KCNT2: variants seen among roughly 807,000 people sequenced by gnomAD.
KCNT2 encodes the protein potassium channel subfamily T member 2.
A neutral mutation model predicts 153.8 loss-of-function variants in KCNT2; 67 were observed. The ratio of observed to expected loss-of-function variants is 0.44; its 90% CI spans 0.36 to 0.53. The LOEUF is 0.53. Ranked by LOEUF, KCNT2 falls within the 20% of genes least tolerant of loss-of-function variation. The probability of loss-of-function intolerance (pLI) is 0.00; values close to 1 mark genes in which losing one functional copy is unlikely to be tolerated. For missense variants in KCNT2, 975 were observed against 1,354.8 expected, an observed-to-expected ratio of 0.72 and a Z score of 4.40; for synonymous variants, 500 against 458.8, an observed-to-expected ratio of 1.09 and a Z score of -1.15.
chr1:196,227,080 A>C lies in KCNT2; in HGVS notation c.*1144T>G, dbSNP rs188547057. On this transcript the variant is annotated 3_prime_UTR_variant, in exon 28 of 28. Transcript: ENST00000294725. ...ACTCAAATTCTGCATGATTTGCATTAATGTTAAAAGCCAAGAACTACCTAT... is the reference window on the plus strand; with the variant it reads ...ACTCAAATTCTGCATGATTTGCATTCATGTTAAAAGCCAAGAACTACCTAT... The C allele has an allele frequency of 1.3e-5, 2 of 152,136 alleles. No individual in the cohort carries two copies. The highest frequency in any genetic ancestry group is 3.9e-4 in the East Asian group (2 of 5,188). The allele number at this position is 152,136 out of a possible 1,614,324, so 9.4% of individuals were successfully genotyped here.
rs148932905 is a variant in KCNT2 at position 196,602,770 on chromosome 1, A to ATTTTTT, written c.95+5439_95+5444dup. On this transcript the variant is annotated intron_variant, in intron 1 of 27. Coordinates refer to ENST00000294725, the MANE Select transcript of KCNT2 (RefSeq NM_198503.5). ...ATTACACTATATATATTCAAAGTCT[A>ATTTTTT]TTTTTTTTTTTTTTTTTTTTTTTTT... 7.1e-5 allele frequency among the ~76,000 whole-genome samples: 6 copies of ATTTTTT among 84,630 alleles called. 1 individual carries two copies. Among genetic ancestry groups the ATTTTTT allele is most frequent in the African/African-American group, 2.6e-4 (5 of 18,878 alleles). The allele number at this position is 84,630 out of a possible 152,430, so 55.5% of individuals were successfully genotyped here. A position where few individuals can be genotyped will look rare whatever the true frequency, so the allele number is the denominator to read the frequency against.
chr1:196,451,031 T>A (rs1010703424), intron 8 of KCNT2, among the ~76,000 whole-genome samples: 1 of 151,702 alleles, frequency 6.6e-6, no homozygotes, highest in Non-Finnish European at 1.5e-5. Flanking sequence ...TATTTTCTCA[T>A]TTTTTTATTA....
rs558390329 is a variant in KCNT2 at position 196,428,466 on chromosome 1, G to A, written c.820-197C>T. On this transcript the variant is annotated intron_variant, in intron 9 of 27. Coordinates refer to ENST00000294725, the MANE Select transcript of KCNT2 (RefSeq NM_198503.5). The stretch of plus-strand genomic sequence containing the variant: ...GCTGCAAATGTCTCCCAGGGGCTTC[G>A]GGTCTCTAAGGAAACATATTAACAT... Among the ~76,000 whole-genome samples, 13 of 152,036 alleles carry A rather than the reference G, an allele frequency of 8.6e-5. No homozygotes were observed. The South Asian group carries it at 1.9e-3, about 22-fold the overall frequency.
At chr1:196,281,996 G>A (rs1168989430) in intron 24 of KCNT2, among the ~76,000 whole-genome samples, 2 of 151,778 alleles carry the variant, frequency 1.3e-5, no homozygotes, top group Non-Finnish European at 2.9e-5. Context: ...TGATCCACCC[G>A]CCTCAGCCTC....
At chr1:196,570,085 A>T (rs1295501976) in intron 1 of KCNT2, among the ~76,000 whole-genome samples, 1 of 15,072 alleles carries the variant, frequency 6.6e-5, no homozygotes, top group Non-Finnish European at 1.1e-3. Context: ...AAAAAAAAAA[A>T]AAAAAAAAAA....
intron 1 of KCNT2, among the ~76,000 whole-genome samples, chr1:196,493,288 GAAAATGTAA>G (rs1679995558): frequency 6.7e-6 from 1 of 148,244 alleles, no homozygotes; most frequent in Non-Finnish European, 1.5e-5. Context: ...GTAACATTTT[GAAAATGTAA>G]TTCATGTAAG....
intron 14 of KCNT2, among the ~76,000 whole-genome samples, chr1:196,367,040 T>C (rs185375360): frequency 3.9e-5 from 6 of 152,300 alleles, no homozygotes; most frequent in African/African-American, 1.2e-4. Context: ...ATTTCCTTCC[T>C]GAATTTGCAA....
chr1:196,357,510 A>C (rs905932247), intron 14 of KCNT2, among the ~76,000 whole-genome samples: 3 of 151,882 alleles, frequency 2.0e-5, no homozygotes, highest in Non-Finnish European at 4.4e-5. Flanking sequence ...TGACTTTTCT[A>C]ATTTGGACCC....
At chr1:196,564,579 A>C (rs1659850380) in intron 1 of KCNT2, among the ~76,000 whole-genome samples, 1 of 151,944 alleles carries the variant, frequency 6.6e-6, no homozygotes. Flanking sequence ...CAAAGGAACC[A>C]CACTATCTGG....
At chr1:196,478,290 C>T (rs1678710012) in intron 5 of KCNT2, among the ~76,000 whole-genome samples, 1 of 152,162 alleles carries the variant, frequency 6.6e-6, no homozygotes, top group Non-Finnish European at 1.5e-5. Context: ...AGCACATGAA[C>T]TTCACCATAA....
At chr1:196,430,723 G>T (rs953167102) in intron 8 of KCNT2, among the ~76,000 whole-genome samples, 3 of 151,996 alleles carry the variant, frequency 2.0e-5, no homozygotes, top group African/African-American at 7.2e-5. Flanking sequence ...CAGCGTAAAA[G>T]TTGTTAGATG....
At chr1:196,405,235 A>G (rs1221308331) in intron 12 of KCNT2, among the ~76,000 whole-genome samples, 1 of 151,428 alleles carries the variant, frequency 6.6e-6, no homozygotes, top group African/African-American at 2.4e-5. Flanking sequence ...TTCATCCTTA[A>G]GTAAAGTGCT....
intron 6 of KCNT2, 55 bp from the exon 7 acceptor site, chr1:196,467,841 C>G (rs1572555065): frequency 1.0e-6 from 1 of 964,162 alleles, no homozygotes; most frequent in East Asian, 2.5e-5. Context: ...ATAAACCATA[C>G]CCAGTATACT....
At chr1:196,439,106 A>C (rs969761297) in intron 8 of KCNT2, among the ~76,000 whole-genome samples, 4 of 151,872 alleles carry the variant, frequency 2.6e-5, no homozygotes, top group African/African-American at 4.8e-5. Context: ...TTGAGCTTAA[A>C]CTGGACTTGG....
chr1:196,418,738 C>T (rs1672952330), intron 12 of KCNT2, among the ~76,000 whole-genome samples: 1 of 152,126 alleles, frequency 6.6e-6, no homozygotes, highest in South Asian at 2.1e-4. Flanking sequence ...TTCATTTTAA[C>T]TTAATTACCT....
chr1:196,436,544 A>T (rs1245370266), intron 8 of KCNT2, among the ~76,000 whole-genome samples: 1 of 151,516 alleles, frequency 6.6e-6, no homozygotes, highest in Admixed American at 6.6e-5. Flanking sequence ...ATCTTAAAAC[A>T]TGCTACGTAA....
intron 13 of KCNT2, among the ~76,000 whole-genome samples, chr1:196,383,485 C>A (rs1052133839): frequency 1.8e-4 from 28 of 152,130 alleles, no homozygotes; most frequent in Admixed American, 1.7e-3. Flanking sequence ...TTGGACCACA[C>A]TTTGAATAAC....
intron 25 of KCNT2, among the ~76,000 whole-genome samples, chr1:196,273,800 C>T (rs1571870198): frequency 6.6e-6 from 1 of 151,598 alleles, no homozygotes; most frequent in African/African-American, 2.4e-5. Flanking sequence ...TTGGAATTTA[C>T]AAGATTTATT....
intron 1 of KCNT2, among the ~76,000 whole-genome samples, chr1:196,554,931 T>C (rs1273411367): frequency 6.6e-6 from 1 of 151,224 alleles, no homozygotes; most frequent in African/African-American, 2.4e-5. Flanking sequence ...TGGATAAAGT[T>C]CAACATACCT....
Sources: allele counts gnomAD v4.1 joint callset (sites outside exome capture counted in the v4.1 genomes callset), GRCh38; gene constraint gnomAD v4.1.1; transcripts MANE v1.5; gene names NCBI Gene and HGNC (gene_info 2026-07-23, HGNC 2026-07-21).